The following TSHZ2 variants were observed in gnomAD, a reference collection of about 807,000 sequenced individuals.
TSHZ2 encodes the protein teashirt homolog 2.
A neutral mutation model predicts 74.4 loss-of-function variants in TSHZ2; 21 were observed. The observed-to-expected ratio is 0.28, with a 90% CI of 0.20 to 0.41. The LOEUF is 0.41. Ranked by LOEUF, TSHZ2 falls within the 10% of genes least tolerant of loss-of-function variation. The pLI is 1.00. For synonymous variants in TSHZ2, 540 were observed against 515.3 expected, an observed-to-expected ratio of 1.05 and a Z score of -0.65; for missense variants, 1,244 against 1,293.5, an observed-to-expected ratio of 0.96 and a Z score of 0.59.
intron 2 of TSHZ2, among the ~76,000 whole-genome samples, chr20:53,447,655 C>G (rs1984604839): frequency 6.6e-6 from 1 of 152,174 alleles, no homozygotes; most frequent in South Asian, 2.1e-4. Flanking sequence ...CTCAATCATT[C>G]CATGTCTTTT....
intron 1 of TSHZ2, among the ~76,000 whole-genome samples, chr20:53,169,376 T>C (rs866206487): frequency 6.6e-6 from 1 of 152,222 alleles, no homozygotes; most frequent in African/African-American, 2.4e-5. Context: ...TAGTCTCCCA[T>C]GCTTCCTTGA....
chr20:52,995,214 G>T (rs1056685607), intron 1 of TSHZ2, among the ~76,000 whole-genome samples: 11 of 152,206 alleles, frequency 7.2e-5, no homozygotes, highest in African/African-American at 2.2e-4. Flanking sequence ...AAGGAATGGA[G>T]TTGGGGTAAG....
chr20:53,048,349 C>T (rs765713721), intron 1 of TSHZ2, among the ~76,000 whole-genome samples: 1 of 152,040 alleles, frequency 6.6e-6, no homozygotes, highest in Non-Finnish European at 1.5e-5. Flanking sequence ...ACTTCTTAGC[C>T]GGAACTGCTT....
chr20:52,997,257 C>A (rs1982234713), intron 1 of TSHZ2, among the ~76,000 whole-genome samples: 1 of 117,306 alleles, frequency 8.5e-6, no homozygotes, highest in South Asian at 2.4e-4. Flanking sequence ...CTCATCTTGC[C>A]CCGGGGGGGG....
chr20:53,192,300 A>C lies in TSHZ2; in HGVS notation c.41-61199A>C, dbSNP rs954728086. 4.6e-5 allele frequency among the ~76,000 whole-genome samples: 7 copies of C among 152,158 alleles called. No individual in the cohort carries two copies. The South Asian group carries it at 6.2e-4, about 14-fold the overall frequency. ...TCTAACCCTTCTCTGGCTAAAAAAA[A>C]AAAAAAACAAAAAAACAACTTTGCT... On this transcript the variant is annotated intron_variant, in intron 1 of 2. Transcript: ENST00000371497.
chr20:53,193,468 A>T (rs1034775005), intron 1 of TSHZ2, among the ~76,000 whole-genome samples: 19 of 151,636 alleles, frequency 1.3e-4, no homozygotes, highest in African/African-American at 3.6e-4. Context: ...CCCCTTTTGT[A>T]ACATTCATCC....
chr20:53,220,537 A>T (rs546650472), intron 1 of TSHZ2, among the ~76,000 whole-genome samples: 114 of 152,120 alleles, frequency 7.5e-4, no homozygotes, highest in Non-Finnish European at 1.5e-3. Flanking sequence ...ACACAATTTT[A>T]TTGGGACACA....
intron 1 of TSHZ2, among the ~76,000 whole-genome samples, chr20:53,079,642 G>A (rs1328003114): frequency 3.9e-5 from 6 of 152,132 alleles, no homozygotes; most frequent in South Asian, 2.1e-4. Context: ...TATGCCTAAC[G>A]AAGTGAATAT....
chr20:53,308,574 C>T (rs532204607), intron 2 of TSHZ2, among the ~76,000 whole-genome samples: 8 of 152,020 alleles, frequency 5.3e-5, no homozygotes, highest in South Asian at 4.2e-4. Context: ...CCTGGGTCAC[C>T]GGGGGAGGCA....
At chr20:53,173,457 A>C (rs1988250141) in intron 1 of TSHZ2, among the ~76,000 whole-genome samples, 1 of 152,120 alleles carries the variant, frequency 6.6e-6, no homozygotes, top group Admixed American at 6.5e-5. Flanking sequence ...AGATACAAAA[A>C]ATTAGCCAGG....
Position 53,160,291 on chromosome 20 carries a change from T to C in TSHZ2, c.41-93208T>C, listed in dbSNP as rs114332666. On this transcript the variant is annotated intron_variant, in intron 1 of 2. Coordinates refer to ENST00000371497, the MANE Select transcript of TSHZ2 (RefSeq NM_173485.6). ...GGCTAAAGGGGGTGGTAGTTTTTTA[T>C]GGGATGATCTTTCACCTTCATGGGT... 8.3e-3 allele frequency among the ~76,000 whole-genome samples: 1,271 copies of C among 152,330 alleles called. 26 individuals are homozygous for C. The highest frequency in any genetic ancestry group is 0.029 in the African/African-American group (1,213 of 41,584).
At chr20:53,027,953 G>T (rs1386734092) in intron 1 of TSHZ2, among the ~76,000 whole-genome samples, 1 of 152,170 alleles carries the variant, frequency 6.6e-6, no homozygotes, top group Non-Finnish European at 1.5e-5. Flanking sequence ...ACACAGGACT[G>T]CAGTCAGGGG....
At chr20:53,064,190 C>T (rs902953601) in intron 1 of TSHZ2, among the ~76,000 whole-genome samples, 1 of 151,990 alleles carries the variant, frequency 6.6e-6, no homozygotes, top group African/African-American at 2.4e-5. Context: ...TGATGGGATC[C>T]GAATGGGGAA....
At chr20:53,391,901 C>T (rs899793900) in intron 2 of TSHZ2, among the ~76,000 whole-genome samples, 1 of 152,088 alleles carries the variant, frequency 6.6e-6, no homozygotes, top group Non-Finnish European at 1.5e-5. Context: ...CAAGATGGTG[C>T]CACTGCACTC....
chr20:53,322,511 T>C (rs1220175622), intron 2 of TSHZ2, among the ~76,000 whole-genome samples: 2 of 148,064 alleles, frequency 1.4e-5, no homozygotes, highest in Admixed American at 6.7e-5. Flanking sequence ...AGACCCTGTC[T>C]CAAAAAAAAA....
At chr20:53,238,937 T>C (rs1990003393) in intron 1 of TSHZ2, among the ~76,000 whole-genome samples, 1 of 150,922 alleles carries the variant, frequency 6.6e-6, no homozygotes, top group African/African-American at 2.4e-5. Context: ...TCATCCAAAC[T>C]GCAAAATTAG....
Position 53,161,130 on chromosome 20 carries a change from CAAAAA to C in TSHZ2, c.41-92350_41-92346del, listed in dbSNP as rs368626161. ...AGAAACCAACTCTGGTTATTTTCAG[CAAAAA>C]AAAAAAAAAAAAAAAAAATAGGAGG... On this transcript the variant is annotated intron_variant, in intron 1 of 2. Transcript: ENST00000371497. Among the ~76,000 whole-genome samples, 359 of 67,970 alleles carry C rather than the reference CAAAAA, an allele frequency of 5.3e-3. 5 individuals carry two copies. The highest frequency in any genetic ancestry group is 0.02 in the African/African-American group (337 of 16,450). 44.6% of individuals were successfully genotyped at this position (67,970 alleles called of 152,430 possible).
At chr20:53,226,254 G>A (rs1002038216) in intron 1 of TSHZ2, among the ~76,000 whole-genome samples, 10 of 152,022 alleles carry the variant, frequency 6.6e-5, no homozygotes, top group East Asian at 1.9e-4. Context: ...CAGCCTTGCC[G>A]TATTCTGTCA....
At position 53,160,745 on chromosome 20, in the gene TSHZ2, C is replaced by CAAAAAAAAAAAAAAAAAAAA. The variant is rs10653039; in HGVS notation, c.41-92736_41-92735insAAAAAAAAAAAAAAAAAAAA. Among the ~76,000 whole-genome samples, 25 of 95,818 alleles carry CAAAAAAAAAAAAAAAAAAAA rather than the reference C, an allele frequency of 2.6e-4. 1 individual carries two copies. Among genetic ancestry groups the CAAAAAAAAAAAAAAAAAAAA allele is most frequent in the African/African-American group, 1.1e-3 (25 of 23,654 alleles). 62.9% of individuals were successfully genotyped at this position (95,818 alleles called of 152,430 possible). A position where few individuals can be genotyped will look rare whatever the true frequency, so the allele number is the denominator to read the frequency against. ...GGGTGACAGGGCAAGACTCTGTCTC[C>CAAAAAAAAAAAAAAAAAAAA]AAAAAAAAAAAAAAAAAAGACATTT... On this transcript the variant is annotated intron_variant, in intron 1 of 2. Transcript: ENST00000371497.
Sources: gnomAD v4.1 joint callset for allele counts (sites outside exome capture counted in the v4.1 genomes callset) on GRCh38, gnomAD v4.1.1 for gene constraint, MANE v1.5 for transcripts, NCBI Gene and HGNC (gene_info 2026-07-23, HGNC 2026-07-21) for gene names.